PCDHGA2: variants seen among roughly 807,000 people sequenced by gnomAD.
The protein encoded by PCDHGA2 is protocadherin gamma-A2.
A neutral mutation model predicts 59.2 loss-of-function variants in PCDHGA2; 40 were observed. The ratio of observed to expected loss-of-function variants is 0.68; its 90% CI spans 0.52 to 0.88. The LOEUF (loss-of-function observed/expected upper bound fraction) is 0.88, where lower values mean the gene tolerates loss of function less well. PCDHGA2 is among the 40% of genes least tolerant of loss of function. The pLI, the probability that PCDHGA2 is intolerant of heterozygous loss-of-function variation, is 0.00. For missense variants in PCDHGA2, 1,226 were observed against 1,204.0 expected (o/e 1.02, Z -0.27); for synonymous variants, 560 against 526.0 (o/e 1.06, Z -0.89).
chr5:141,451,597 C>A (rs2098719892), intron 1 of PCDHGA2, among the ~76,000 whole-genome samples: 1 of 152,076 alleles, frequency 6.6e-6, no homozygotes, highest in Admixed American at 6.6e-5. Context: ...AAGTGACATA[C>A]AAGGCTAGGC....
intron 1 of PCDHGA2, among the ~76,000 whole-genome samples, chr5:141,406,193 C>T (rs2094777569): frequency 1.3e-5 from 2 of 151,820 alleles, no homozygotes. Flanking sequence ...CCACCTCAGC[C>T]TTCACAGTAG....
intron 1 of PCDHGA2, among the ~76,000 whole-genome samples, chr5:141,387,440 A>T (rs2090946110): frequency 6.6e-6 from 1 of 152,240 alleles, no homozygotes; most frequent in East Asian, 1.9e-4. Context: ...TATGTACTTA[A>T]TCTACATGAT....
chr5:141,370,804 T>C lies in PCDHGA2; in HGVS notation c.2424+29409T>C, dbSNP rs565720476. 223 of 1,614,010 alleles carry C rather than the reference T, an allele frequency of 1.4e-4. 3 individuals are homozygous for C. The Middle Eastern group carries it at 3.0e-3, about 21-fold the overall frequency. On this transcript the variant is annotated intron_variant, in intron 1 of 3. Coordinates refer to ENST00000394576, the MANE Select transcript of PCDHGA2 (RefSeq NM_018915.4). ...AACCCACCGACCTTTAGCCAAAATA[T>C]CACTGAGCTGGAAATCAGCGAACTG...
intron 1 of PCDHGA2, chr5:141,418,921 T>A (rs897705216): frequency 1.9e-6 from 3 of 1,613,928 alleles, no homozygotes; most frequent in Admixed American, 3.3e-5. Context: ...CACTCTCTGA[T>A]CAGATTATGG....
At chr5:141,422,209 C>G (rs1463323983) in intron 1 of PCDHGA2, 1 of 1,561,666 alleles carries the variant, frequency 6.4e-7, no homozygotes, top group East Asian at 2.2e-5. Context: ...TGGTGGAGGT[C>G]TCTTTACCAC....
intron 1 of PCDHGA2, chr5:141,478,592 TC>T: frequency 6.4e-7 from 1 of 1,570,334 alleles, no homozygotes; most frequent in Non-Finnish European, 8.6e-7. Flanking sequence ...GCTTTTTTAT[TC>T]CTACATCATA....
intron 1 of PCDHGA2, chr5:141,372,091 C>T (rs767361394): frequency 1.2e-6 from 2 of 1,613,774 alleles, no homozygotes; most frequent in South Asian, 2.2e-5. Flanking sequence ...CTGTACCCAG[C>T]TCTGGGGCCC....
chr5:141,382,534 T>G (rs1284471897), intron 1 of PCDHGA2, among the ~76,000 whole-genome samples: 1 of 152,218 alleles, frequency 6.6e-6, no homozygotes, highest in Non-Finnish European at 1.5e-5. Context: ...TAAAATGGAT[T>G]TTTAATTATC....
intron 2 of PCDHGA2, among the ~76,000 whole-genome samples, chr5:141,502,705 T>C (rs1475675789): frequency 6.6e-6 from 1 of 152,248 alleles, no homozygotes; most frequent in African/African-American, 2.4e-5. Context: ...TATCTGTTTT[T>C]ACATCAGTGA....
rs1757628583 is a variant in PCDHGA2 at position 141,345,722 on chromosome 5, G to C, written c.2424+4327G>C. The C allele has an allele frequency of 2.5e-6, 4 of 1,614,108 alleles. No individual in the cohort carries two copies. The South Asian group carries it at 3.3e-5, about 13-fold the overall frequency. On this transcript the variant is annotated intron_variant, in intron 1 of 3. Coordinates refer to ENST00000394576, the MANE Select transcript of PCDHGA2 (RefSeq NM_018915.4). ...AGAACGACAACGCGCCCGAGATCCT[G>C]TACCCCGCCCTCCCCACAGACGGTT...
In PCDHGA2 at chr5:141,393,943, G is replaced by A. The variant is rs186465469; in HGVS notation, c.2424+52548G>A. Reference sequence around the variant, plus strand: ...TTGAGTGTGCATGACCAAGACTCTGGAAAGAATGGTCAAGTTGTCTGTTAC... The same window carrying A: ...TTGAGTGTGCATGACCAAGACTCTGAAAAGAATGGTCAAGTTGTCTGTTAC... On this transcript the variant is annotated intron_variant, in intron 1 of 3. Transcript: ENST00000394576. 1.6e-5 allele frequency: 26 copies of A among 1,613,936 alleles called. No homozygotes were observed. The East Asian group carries it at 3.1e-4, about 19-fold the overall frequency.
At chr5:141,344,331 C>T in intron 1 of PCDHGA2, 1 of 1,613,966 alleles carries the variant, frequency 6.2e-7, no homozygotes, top group Non-Finnish European at 8.5e-7. Context: ...CGCTCAGATC[C>T]CGCTGTGTCT....
chr5:141,407,529 T>G (rs2154538729), intron 1 of PCDHGA2, among the ~76,000 whole-genome samples: 1 of 151,552 alleles, frequency 6.6e-6, no homozygotes, highest in South Asian at 2.1e-4. Context: ...CTTAACTTAT[T>G]GTGCATTGGT....
In PCDHGA2 at chr5:141,477,772, C is replaced by G. The variant is rs760319541; in HGVS notation, c.2425-17035C>G. The G allele has an allele frequency of 1.5e-5, 25 of 1,613,908 alleles. No homozygotes were observed. Among genetic ancestry groups the G allele is most frequent in the Non-Finnish European group, 2.1e-5 (25 of 1,180,042 alleles). On this transcript the variant is annotated intron_variant, in intron 1 of 3. Coordinates refer to ENST00000394576, the MANE Select transcript of PCDHGA2 (RefSeq NM_018915.4). This position sits in a 1 kb window ranked among gnomAD's most constrained non-coding sequence, Gnocchi z 4.9. Reference sequence around the variant, plus strand: ...CCCCGGTCCTAGCCACCAACATCAGCGTGAACATATTTGTCACTGATCGCA... The same window carrying G: ...CCCCGGTCCTAGCCACCAACATCAGGGTGAACATATTTGTCACTGATCGCA...
At position 141,487,215 on chromosome 5, in the gene PCDHGA2, C is replaced by G. The variant is rs1248989099; in HGVS notation, c.2425-7592C>G. 4 of 1,613,850 alleles carry G rather than the reference C, an allele frequency of 2.5e-6. No homozygotes were observed. Among genetic ancestry groups the G allele is most frequent in the East Asian group, 4.5e-5 (2 of 44,882 alleles). The stretch of plus-strand genomic sequence containing the variant: ...GTCCCAGATCTTCGAGAATCTTCAG[C>G]TCCAAGGGAAGGAGAATCTCGTCTA... On this transcript the variant is annotated intron_variant, in intron 1 of 3. Coordinates refer to ENST00000394576, the MANE Select transcript of PCDHGA2 (RefSeq NM_018915.4). This position sits in a 1 kb window ranked among gnomAD's most constrained non-coding sequence, Gnocchi z 5.0.
At chr5:141,364,463 GT>G (rs754642507) in intron 1 of PCDHGA2, 9 of 1,614,000 alleles carry the variant, frequency 5.6e-6, no homozygotes, top group Admixed American at 1.7e-5. Flanking sequence ...AGGCTCCTTC[GT>G]CGGCAACATA....
chr5:141,396,654 T>G (rs1489747712), intron 1 of PCDHGA2: 1 of 151,996 alleles, frequency 6.6e-6, no homozygotes, highest in Non-Finnish European at 1.5e-5. Context: ...TAGTAAAAAC[T>G]CGGTATAGGC....
chr5:141,390,509 A>G, intron 1 of PCDHGA2: 1 of 590,022 alleles, frequency 1.7e-6, no homozygotes, highest in Non-Finnish European at 2.9e-6. Flanking sequence ...GCTTAGATTT[A>G]TAAAGCAATG....
At chr5:141,409,700 G>C (rs1561722120) in intron 1 of PCDHGA2, 4 of 1,613,280 alleles carry the variant, frequency 2.5e-6, no homozygotes, top group Non-Finnish European at 3.4e-6. Context: ...AGAGCCCCTG[G>C]CGGTGTCGTC....
Sources: gnomAD v4.1 joint callset for allele counts (sites outside exome capture counted in the v4.1 genomes callset) on GRCh38, gnomAD v4.1.1 for gene constraint, Gnocchi (gnomAD v3.1) non-coding constraint, MANE v1.5 for transcripts, NCBI Gene and HGNC (gene_info 2026-07-23, HGNC 2026-07-21) for gene names.